CALN1: variants seen among roughly 807,000 people sequenced by gnomAD.
CALN1 encodes calcium-binding protein 8.
CALN1 carries 17 observed loss-of-function variants against 30.6 expected under a neutral mutation model. That is an observed-to-expected ratio of 0.56 (90% confidence interval 0.38 to 0.83). The LOEUF (loss-of-function observed/expected upper bound fraction) is 0.83. Ranked by LOEUF, CALN1 falls within the 40% of genes least tolerant of loss-of-function variation. The pLI is 0.00. For synonymous variants in CALN1, 156 were observed against 131.4 expected (o/e 1.19, Z -1.28); for missense variants, 291 against 354.9 (o/e 0.82, Z 1.45).
chr7:71,919,593 A>G (rs1794836858), intron 5 of CALN1, among the ~76,000 whole-genome samples: 1 of 152,222 alleles, frequency 6.6e-6, no homozygotes, highest in South Asian at 2.1e-4. Context: ...AATGTACAAG[A>G]GACACTGTGA....
At chr7:72,220,397 A>C (rs183498603) in intron 3 of CALN1, among the ~76,000 whole-genome samples, 2,789 of 151,970 alleles carry the variant, frequency 0.018, 70 homozygotes, top group African/African-American at 0.063. Context: ...GCTGCATAGT[A>C]TTCCATGGTG....
rs1205893224 is a variant in CALN1, at chr7:71,785,311, A to C, written c.*2464T>G. 3 of 155,066 alleles carry C rather than the reference A, an allele frequency of 1.9e-5. No individual in the cohort carries two copies. The highest frequency in any genetic ancestry group is 7.2e-5 in the African/African-American group (3 of 41,528). 9.6% of individuals were successfully genotyped at this position (155,066 alleles called of 1,614,324 possible). On this transcript the variant is annotated 3_prime_UTR_variant, in exon 7 of 7. Coordinates refer to ENST00000395275, the MANE Select transcript of CALN1 (RefSeq NM_031468.4). ...AGGAATCCTGCAGCCTTTCCAGAAA[A>C]CAGGATGGCGGCGCCTCTCCAGAAC...
rs188363585 is a variant in CALN1 at position 71,966,919 on chromosome 7, T to C, written c.501+56738A>G. Among the ~76,000 whole-genome samples the C allele has an allele frequency of 2.6e-5, 4 of 152,334 alleles. No homozygotes were observed. In the East Asian group the frequency reaches 5.8e-4, roughly 22 times the overall value. On this transcript the variant is annotated intron_variant, in intron 5 of 6. Coordinates refer to ENST00000395275, the MANE Select transcript of CALN1 (RefSeq NM_031468.4). Reference sequence around the variant, plus strand: ...GGCTTTCTCTAGACACTCTAAAATTTATCATTGAATTCTGTCAGAACAACA... The same window carrying C: ...GGCTTTCTCTAGACACTCTAAAATTCATCATTGAATTCTGTCAGAACAACA...
In CALN1 at chr7:72,034,906, T is replaced by G. The variant is rs76979981; in HGVS notation, c.389-11137A>C. Among the ~76,000 whole-genome samples the G allele has an allele frequency of 1.4e-3, 215 of 151,752 alleles. 4 individuals are homozygous for G. In the East Asian group the frequency reaches 0.04, roughly 28 times the overall value. The stretch of plus-strand genomic sequence containing the variant: ...CAAGGTACAGAACTGTATTTTAGTA[T>G]GCTACAATTTGGTTAAAAAAATGGG... On this transcript the variant is annotated intron_variant, in intron 4 of 6. Transcript: ENST00000395275.
chr7:72,408,730 G>A (rs534683953), intron 1 of CALN1, among the ~76,000 whole-genome samples: 32 of 117,248 alleles, frequency 2.7e-4, no homozygotes, highest in African/African-American at 9.9e-4. Context: ...AGGTTGGAGT[G>A]CAGAGGCGCA....
chr7:71,806,306 CTT>C (rs774646277), intron 6 of CALN1, among the ~76,000 whole-genome samples: 24 of 136,590 alleles, frequency 1.8e-4, no homozygotes, highest in Non-Finnish European at 1.7e-4. Context: ...TTTCCCCCTC[CTT>C]TTTTTTTTTT....
chr7:72,322,041 C>G (rs1800917724), intron 2 of CALN1, among the ~76,000 whole-genome samples: 1 of 152,156 alleles, frequency 6.6e-6, no homozygotes, highest in Non-Finnish European at 1.5e-5. Context: ...CAAGCACATT[C>G]CATTTATCGT....
intron 3 of CALN1, among the ~76,000 whole-genome samples, chr7:72,148,982 GAGGA>G (rs1554455636): frequency 9.8e-5 from 14 of 143,124 alleles, no homozygotes; most frequent in African/African-American, 3.6e-4. Flanking sequence ...GGGAGGGAGG[GAGGA>G]AGGAAGGAAA....
intron 5 of CALN1, among the ~76,000 whole-genome samples, chr7:72,012,850 C>T (rs1800162393): frequency 1.3e-5 from 2 of 152,186 alleles, no homozygotes; most frequent in Admixed American, 6.5e-5. Context: ...GGCTGGAGTG[C>T]AAGGGCGTGA....
intron 3 of CALN1, among the ~76,000 whole-genome samples, chr7:72,194,936 G>A (rs111648772): frequency 0.038 from 5,761 of 151,774 alleles, 342 homozygotes; most frequent in African/African-American, 0.13. Context: ...ACTCTTCCAC[G>A]GTCCCATATG....
intron 2 of CALN1, among the ~76,000 whole-genome samples, chr7:72,357,306 T>C (rs941853491): frequency 1.3e-5 from 2 of 151,930 alleles, no homozygotes; most frequent in African/African-American, 2.4e-5. Flanking sequence ...GGCGATGTGG[T>C]TGGACTCGGA....
At chr7:72,352,970 CA>C (rs1047687323) in intron 2 of CALN1, among the ~76,000 whole-genome samples, 1 of 151,948 alleles carries the variant, frequency 6.6e-6, no homozygotes, top group East Asian at 1.9e-4. Flanking sequence ...AATGTTATGA[CA>C]AAAAATGGAC....
intron 5 of CALN1, among the ~76,000 whole-genome samples, chr7:71,956,886 G>A (rs1796987646): frequency 6.6e-6 from 1 of 151,900 alleles, no homozygotes; most frequent in South Asian, 2.1e-4. Context: ...TAGTGGAGGT[G>A]AGGTTTCACC....
At chr7:72,224,115 T>C (rs1793502636) in intron 3 of CALN1, among the ~76,000 whole-genome samples, 1 of 152,118 alleles carries the variant, frequency 6.6e-6, no homozygotes, top group Admixed American at 6.5e-5. Context: ...CCTTGTAATA[T>C]ATACTCATTA....
intron 3 of CALN1, among the ~76,000 whole-genome samples, chr7:72,156,791 G>T (rs1303617696): frequency 6.6e-6 from 1 of 152,210 alleles, no homozygotes; most frequent in Non-Finnish European, 1.5e-5. Context: ...AGACACAGAA[G>T]CCACCAGTTC....
intron 5 of CALN1, among the ~76,000 whole-genome samples, chr7:72,012,749 C>T (rs1035426193): frequency 1.3e-5 from 2 of 152,140 alleles, no homozygotes; most frequent in African/African-American, 4.8e-5. Context: ...GAGTTCTTTT[C>T]CTCCTGGCAG....
At chr7:71,925,835 A>AT (rs1186208518) in intron 5 of CALN1, among the ~76,000 whole-genome samples, 1 of 152,140 alleles carries the variant, frequency 6.6e-6, no homozygotes, top group Non-Finnish European at 1.5e-5. Context: ...TCCTGGTGTC[A>AT]TCCAAGAGGG....
chr7:71,812,923 C>T (rs938959844), intron 5 of CALN1, among the ~76,000 whole-genome samples: 32 of 81,970 alleles, frequency 3.9e-4, no homozygotes, highest in African/African-American at 1.0e-3. Context: ...TATTTATCAT[C>T]ATCATCATTA....
intron 2 of CALN1, among the ~76,000 whole-genome samples, chr7:72,367,904 C>T (rs866488877): frequency 4.6e-5 from 7 of 151,886 alleles, no homozygotes; most frequent in Admixed American, 2.6e-4. Context: ...GAGGCCGAGG[C>T]GGATGGATCA....
Sources: allele counts gnomAD v4.1 joint callset (sites outside exome capture counted in the v4.1 genomes callset), GRCh38; gene constraint gnomAD v4.1.1; transcripts MANE v1.5; gene names NCBI Gene and HGNC (gene_info 2026-07-23, HGNC 2026-07-21).